GRIP1: variants seen among roughly 807,000 people sequenced by gnomAD.
The protein encoded by GRIP1 is glutamate receptor-interacting protein 1.
GRIP1 carries 45 observed loss-of-function variants against 129.9 expected under a neutral mutation model. The observed-to-expected ratio is 0.35, with a 90% confidence interval of 0.27 to 0.44. The LOEUF (loss-of-function observed/expected upper bound fraction) is 0.44, where lower values mean the gene tolerates loss of function less well. Among genes scored for constraint, GRIP1 ranks in the 20% least tolerant of loss-of-function variants. The pLI is 1.00. For missense variants in GRIP1, 1,196 were observed against 1,396.8 expected (o/e 0.86, Z 2.29); for synonymous variants, 530 against 520.8 (o/e 1.02, Z -0.24).
chr12:66,940,494 T>C (rs1056368870), intron 1 of GRIP1, among the ~76,000 whole-genome samples: 2 of 152,204 alleles, frequency 1.3e-5, no homozygotes, highest in African/African-American at 4.8e-5. Flanking sequence ...AGACTGCTTC[T>C]TGATATTATT....
rs557978121 is a variant in GRIP1 at position 66,858,073 on chromosome 12, C to A, written c.58+210977G>T. On this transcript the variant is annotated intron_variant, in intron 1 of 1. Transcript: ENST00000643019. ...AGGGCAAGTCTCTCAACAATATTCA[C>A]CATGTTTTTTTGTTTTGAGGGTGGG... 1.2e-4 allele frequency among the ~76,000 whole-genome samples: 15 copies of A among 129,794 alleles called. No individual in the cohort carries two copies. In the East Asian group the frequency reaches 2.9e-3, roughly 25 times the overall value. The allele number at this position is 129,794 out of a possible 152,430, so 85.1% of individuals were successfully genotyped here.
intron 1 of GRIP1, among the ~76,000 whole-genome samples, chr12:66,960,571 T>C (rs945061490): frequency 2.0e-5 from 3 of 152,162 alleles, no homozygotes; most frequent in African/African-American, 4.8e-5. Flanking sequence ...TGTTAACATA[T>C]AGGTCATAAT....
chr12:66,795,359 A>C (rs1374089451), intron 1 of GRIP1, among the ~76,000 whole-genome samples: 2 of 152,162 alleles, frequency 1.3e-5, no homozygotes, highest in African/African-American at 4.8e-5. Flanking sequence ...AAAATTCAGG[A>C]ACCACATACT....
chr12:66,754,057 A>G (rs2037208430), intron 1 of GRIP1, among the ~76,000 whole-genome samples: 1 of 152,212 alleles, frequency 6.6e-6, no homozygotes, highest in Non-Finnish European at 1.5e-5. Flanking sequence ...AGTGTGAATC[A>G]TCAAATCCAG....
rs1265144571 is a variant in GRIP1, at chr12:66,788,019, G to A, written c.-420+16034C>T. ...TCTGTCACTTTCTCCGGGTTCCAGG[G>A]GTGGGGAAGTGACCCAGGATTGGTC... is the stretch of plus-strand genomic sequence containing the variant. On this transcript the variant is annotated intron_variant, in intron 1 of 4. Transcript: ENST00000538373. 2.6e-5 allele frequency among the ~76,000 whole-genome samples: 4 copies of A among 152,046 alleles called. No homozygotes were observed. In the East Asian group the frequency reaches 5.8e-4, roughly 22 times the overall value.
At chr12:66,573,322 T>C (rs1163679713) in intron 2 of GRIP1, among the ~76,000 whole-genome samples, 1 of 152,078 alleles carries the variant, frequency 6.6e-6, no homozygotes, top group Non-Finnish European at 1.5e-5. Context: ...GACACCTTGA[T>C]TGTAGCTCTG....
chr12:66,412,052 G>A (rs1209301180), intron 15 of GRIP1, among the ~76,000 whole-genome samples: 1 of 152,168 alleles, frequency 6.6e-6, no homozygotes, highest in Non-Finnish European at 1.5e-5. Context: ...GTTGGAAAAT[G>A]TACTTCAGGA....
chr12:66,988,823 T>C lies in GRIP1; in HGVS notation c.58+80227A>G, dbSNP rs974101064. Among the ~76,000 whole-genome samples, 11 of 152,362 alleles carry C rather than the reference T, an allele frequency of 7.2e-5. No individual in the cohort carries two copies. The East Asian group carries it at 1.7e-3, about 24-fold the overall frequency. On this transcript the variant is annotated intron_variant, in intron 1 of 1. Coordinates refer to the GRIP1 transcript ENST00000643019. The stretch of plus-strand genomic sequence containing the variant: ...GGAGTTAATTAAGTTAAATGCTTAT[T>C]GATAAACTCTCAATAAAGAATGATT...
intron 10 of GRIP1, 114 bp downstream of exon 10, chr12:66,456,073 G>A (rs2058952216): frequency 1.9e-6 from 1 of 534,854 alleles, no homozygotes; most frequent in Non-Finnish European, 3.2e-6. Flanking sequence ...ATGATAAATT[G>A]CTACTATAAG....
intron 1 of GRIP1, among the ~76,000 whole-genome samples, chr12:66,879,496 A>G (rs1389240072): frequency 6.6e-6 from 1 of 152,146 alleles, no homozygotes; most frequent in Non-Finnish European, 1.5e-5. Context: ...AAACCAAGCC[A>G]CATAGGCTAC....
chr12:66,349,032 G>C lies in GRIP1; in HGVS notation c.3374C>G (p.Thr1125Ser). ...HGGNLETREP[T>S]NTL ...TAAAAAGCGTTGCTATAATGTATTA[G>C]TGGGTTCTCGTGTCTCCAAATTACC... The change falls in exon 25 of 25, where the codon ACT (threonine) becomes AGT (serine). Residue 1125 changes from threonine to serine, a missense_variant. By Grantham distance (58) the Thr-to-Ser change is moderately conservative (BLOSUM62 1). Around this residue, in one of 5 missense-constraint regions of GRIP1, gnomAD observed 427 missense variants for 463.3 expected, o/e 0.92. Coordinates refer to ENST00000359742, the MANE Select transcript of GRIP1 (RefSeq NM_001366722.1). The C allele has an allele frequency of 6.2e-7, 1 of 1,608,804 alleles. No individual in the cohort carries two copies. Among genetic ancestry groups the C allele is most frequent in the Non-Finnish European group, 8.5e-7 (1 of 1,175,120 alleles).
At chr12:66,858,839 A>C (rs1265886174) in intron 1 of GRIP1, among the ~76,000 whole-genome samples, 3 of 151,930 alleles carry the variant, frequency 2.0e-5, no homozygotes, top group East Asian at 1.9e-4. Flanking sequence ...AAGTGGAGAA[A>C]AATATCATCC....
In GRIP1 at chr12:66,541,435, C is replaced by G. The variant is rs182760226; in HGVS notation, c.272+380G>C. Among the ~76,000 whole-genome samples, 19 of 152,338 alleles carry G rather than the reference C, an allele frequency of 1.2e-4. 1 individual carries two copies. The highest frequency in any genetic ancestry group is 4.6e-4 in the African/African-American group (19 of 41,592). ...ATGTCCCCTCTCTGGCACTTTTCCCCATTCACATTATATGGGTCATCTGTT... is the reference window on the plus strand; with the variant it reads ...ATGTCCCCTCTCTGGCACTTTTCCCGATTCACATTATATGGGTCATCTGTT... On this transcript the variant is annotated intron_variant, in intron 3 of 24. Coordinates refer to ENST00000359742, the MANE Select transcript of GRIP1 (RefSeq NM_001366722.1).
At chr12:66,966,087 T>G (rs1200813910) in intron 1 of GRIP1, among the ~76,000 whole-genome samples, 3 of 152,168 alleles carry the variant, frequency 2.0e-5, no homozygotes, top group African/African-American at 7.2e-5. Flanking sequence ...ATATGGACTA[T>G]ATAAGATTCT....
At chr12:66,922,673 T>C (rs2041232497) in intron 1 of GRIP1, among the ~76,000 whole-genome samples, 1 of 152,250 alleles carries the variant, frequency 6.6e-6, no homozygotes, top group Admixed American at 6.5e-5. Flanking sequence ...CAAAAGTCAT[T>C]GACAGGCTTC....
At chr12:66,682,861 C>T (rs1272834264), upstream of GRIP1, among the ~76,000 whole-genome samples, 1 of 152,082 alleles carries the variant, frequency 6.6e-6, no homozygotes, top group East Asian at 1.9e-4. Flanking sequence ...TTTGCACTTT[C>T]TTCAACTTCA....
At chr12:66,791,964 CATGTGGGG>C (rs2038551334) in intron 1 of GRIP1, among the ~76,000 whole-genome samples, 1 of 152,098 alleles carries the variant, frequency 6.6e-6, no homozygotes, top group African/African-American at 2.4e-5. Flanking sequence ...AATGTTCTCA[CATGTGGGG>C]ATGACTGGTA....
intron 1 of GRIP1, among the ~76,000 whole-genome samples, chr12:66,677,011 AAAG>A (rs2034368442): frequency 6.6e-6 from 1 of 152,210 alleles, no homozygotes; most frequent in African/African-American, 2.4e-5. Context: ...AGTTAAACAC[AAAG>A]AAGAACCCAA....
At chr12:66,994,271 G>A (rs1193583533) in intron 1 of GRIP1, among the ~76,000 whole-genome samples, 2 of 150,722 alleles carry the variant, frequency 1.3e-5, no homozygotes, top group East Asian at 3.9e-4. Flanking sequence ...AAGACTCTAA[G>A]ACCACGTAAA....
Sources: allele counts gnomAD v4.1 joint callset (sites outside exome capture counted in the v4.1 genomes callset), GRCh38; gene constraint gnomAD v4.1.1; regional missense constraint gnomAD v4.1.1; transcripts MANE v1.5; gene names NCBI Gene and HGNC (gene_info 2026-07-23, HGNC 2026-07-21).